Variants in TMTC2 observed in about 807,000 individuals in gnomAD.
TMTC2 encodes protein O-mannosyl-transferase TMTC2.
A neutral mutation model predicts 82.4 loss-of-function variants in TMTC2; 43 were observed. The observed-to-expected ratio is 0.52, with a 90% CI of 0.41 to 0.67. The LOEUF is 0.67. TMTC2 is among the 30% of genes least tolerant of loss of function. The probability of loss-of-function intolerance (pLI) is 0.00; values close to 1 mark genes in which losing one functional copy is unlikely to be tolerated. For synonymous variants in TMTC2, 408 were observed against 381.9 expected, an observed-to-expected ratio of 1.07 and a Z score of -0.80; for missense variants, 919 against 1,012.4, an observed-to-expected ratio of 0.91 and a Z score of 1.25.
intron 11 of TMTC2, among the ~76,000 whole-genome samples, chr12:83,103,903 C>T (rs1310112811): frequency 2.0e-5 from 3 of 152,218 alleles, no homozygotes; most frequent in Non-Finnish European, 1.5e-5. Context: ...CAAGTAGTTA[C>T]TCCCTTGTAT....
intron 8 of TMTC2, among the ~76,000 whole-genome samples, chr12:83,006,264 T>TC (rs1880199173): frequency 6.6e-6 from 1 of 152,048 alleles, no homozygotes; most frequent in South Asian, 2.1e-4. Flanking sequence ...CTGTCAACTC[T>TC]TAGTGTTTTC....
At chr12:82,939,004 A>G (rs73362240) in intron 4 of TMTC2, among the ~76,000 whole-genome samples, 1,667 of 152,270 alleles carry the variant, frequency 0.011, 22 homozygotes, top group African/African-American at 0.038. Flanking sequence ...CAGATACGTC[A>G]GAATTCGTAT....
Position 82,857,090 on chromosome 12 carries a change from T to C in TMTC2, c.164T>C (p.Leu55Pro), listed in dbSNP as rs1007752858. The change falls in exon 2 of 12, where the codon CTT becomes CCT. Residue 55 changes from leucine (L) to proline (P), a missense_variant. Transcript: ENST00000321196. Reference protein sequence around the residue: ...HIFYNDFWGTLLTHSGSHKSY... With the variant: ...HIFYNDFWGTPLTHSGSHKSY... ...TTCTACAATGATTTTTGGGGGACTC[T>C]TCTAACCCACAGTGGCAGCCACAAG... 6.2e-7 allele frequency: 1 copy of C among 1,613,950 alleles called. No individual in the cohort carries two copies. The highest frequency in any genetic ancestry group is 2.2e-5 in the East Asian group (1 of 44,884).
chr12:82,721,518 A>G (rs1874204350), intron 1 of TMTC2, among the ~76,000 whole-genome samples: 1 of 152,210 alleles, frequency 6.6e-6, no homozygotes, highest in African/African-American at 2.4e-5. Flanking sequence ...TTGCTGCTGA[A>G]TAGGAACTGT....
At chr12:83,053,431 G>A (rs1436121377) in intron 10 of TMTC2, among the ~76,000 whole-genome samples, 1 of 151,988 alleles carries the variant, frequency 6.6e-6, no homozygotes, top group East Asian at 1.9e-4. Context: ...TCAAGAAAAG[G>A]TTTGAACATA....
chr12:83,021,183 C>CTT (rs1208004999), intron 8 of TMTC2, among the ~76,000 whole-genome samples: 1 of 151,996 alleles, frequency 6.6e-6, no homozygotes, highest in African/African-American at 2.4e-5. Flanking sequence ...AAGTCTTTTT[C>CTT]TTTTGCTTTC....
chr12:82,852,246 C>T (rs1053117790), intron 1 of TMTC2, among the ~76,000 whole-genome samples: 7 of 151,980 alleles, frequency 4.6e-5, no homozygotes, highest in East Asian at 1.9e-4. Context: ...GAACTACAAG[C>T]GCCCGCCACC....
intron 1 of TMTC2, among the ~76,000 whole-genome samples, chr12:82,741,474 C>T (rs548574796): frequency 6.6e-6 from 1 of 152,252 alleles, no homozygotes; most frequent in South Asian, 2.1e-4. Context: ...CCACGCCTGG[C>T]TAAGTTTTGT....
chr12:82,818,457 T>G (rs1435797456), intron 1 of TMTC2, among the ~76,000 whole-genome samples: 1 of 152,172 alleles, frequency 6.6e-6, no homozygotes, highest in African/African-American at 2.4e-5. Flanking sequence ...ACTCTTTCCA[T>G]GCACTTGACC....
At chr12:82,868,691 GTCTCTCTCTTT>G (rs1871999958) in intron 2 of TMTC2, among the ~76,000 whole-genome samples, 1 of 144,414 alleles carries the variant, frequency 6.9e-6, no homozygotes, top group Non-Finnish European at 1.5e-5. Flanking sequence ...GCAGGTTCAA[GTCTCTCTCTTT>G]TTTTTTTTTT....
intron 11 of TMTC2, among the ~76,000 whole-genome samples, chr12:83,121,258 C>T (rs1323328210): frequency 6.6e-6 from 1 of 152,152 alleles, no homozygotes; most frequent in Non-Finnish European, 1.5e-5. Flanking sequence ...AATTGGTTTT[C>T]TGGTTCCTTC....
At chr12:82,807,229 C>T (rs1223264357) in intron 1 of TMTC2, among the ~76,000 whole-genome samples, 1 of 152,018 alleles carries the variant, frequency 6.6e-6, no homozygotes, top group Non-Finnish European at 1.5e-5. Flanking sequence ...ACCCAGGGTT[C>T]CTTTAATTTG....
chr12:82,796,707 G>C (rs994132712), intron 1 of TMTC2, among the ~76,000 whole-genome samples: 9 of 152,156 alleles, frequency 5.9e-5, no homozygotes, highest in Non-Finnish European at 1.2e-4. Flanking sequence ...ACTTCTGCCC[G>C]AGCCTGTTTC....
intron 2 of TMTC2, among the ~76,000 whole-genome samples, chr12:82,878,785 C>T (rs932252372): frequency 6.6e-6 from 1 of 152,120 alleles, no homozygotes; most frequent in African/African-American, 2.4e-5. Context: ...TTCTTATGGT[C>T]CCAGTTACTC....
chr12:82,780,036 C>T (rs1297621951), intron 1 of TMTC2, among the ~76,000 whole-genome samples: 1 of 152,080 alleles, frequency 6.6e-6, no homozygotes, highest in Non-Finnish European at 1.5e-5. Flanking sequence ...TTTTTTGTAC[C>T]ATTTACTTGT....
chr12:82,917,378 A>G (rs1466765532), intron 3 of TMTC2, among the ~76,000 whole-genome samples: 1 of 152,020 alleles, frequency 6.6e-6, no homozygotes, highest in Non-Finnish European at 1.5e-5. Context: ...GGCACATCCA[A>G]AGTCCAAGAC....
chr12:82,921,587 G>T (rs1429190074), intron 3 of TMTC2, among the ~76,000 whole-genome samples: 1 of 152,110 alleles, frequency 6.6e-6, no homozygotes. Context: ...GCCCTTCCAA[G>T]TTAGAGCAGT....
intron 7 of TMTC2, among the ~76,000 whole-genome samples, chr12:82,973,444 TTATG>T (rs1878533811): frequency 6.6e-6 from 1 of 152,130 alleles, no homozygotes; most frequent in South Asian, 2.1e-4. Flanking sequence ...ACTTTGAAGA[TTATG>T]TAGTCAATAA....
At chr12:82,836,733 A>G (rs1870063092) in intron 1 of TMTC2, among the ~76,000 whole-genome samples, 1 of 152,218 alleles carries the variant, frequency 6.6e-6, no homozygotes, top group Non-Finnish European at 1.5e-5. Context: ...ACACAGATCA[A>G]TATCCATTTT....
Sources: gnomAD v4.1 joint callset for allele counts (sites outside exome capture counted in the v4.1 genomes callset) on GRCh38, gnomAD v4.1.1 for gene constraint, MANE v1.5 for transcripts, NCBI Gene and HGNC (gene_info 2026-07-23, HGNC 2026-07-21) for gene names.